Variants in STAC observed in about 807,000 individuals in gnomAD.
STAC encodes the protein SH3 and cysteine rich domain.
A neutral mutation model predicts 48.8 loss-of-function variants in STAC; 43 were observed. The observed-to-expected ratio is 0.88, with a 90% CI of 0.69 to 1.14. STAC has a LOEUF of 1.14. Ranked by LOEUF, STAC falls within the 50% of genes most tolerant of loss-of-function variation. STAC has a pLI of 0.00. For missense variants in STAC, 497 were observed against 504.0 expected (o/e 0.99, Z 0.13); for synonymous variants, 193 against 179.5 (o/e 1.07, Z -0.60).
intron 8 of STAC, among the ~76,000 whole-genome samples, chr3:36,513,336 A>G (rs1698588257): frequency 6.6e-6 from 1 of 152,208 alleles, no homozygotes; most frequent in African/African-American, 2.4e-5. Flanking sequence ...ACCTCTGCCC[A>G]GGCCTCAAGC....
At chr3:36,432,823 CT>C (rs1302471516) in intron 1 of STAC, among the ~76,000 whole-genome samples, 1 of 152,164 alleles carries the variant, frequency 6.6e-6, no homozygotes, top group East Asian at 1.9e-4. Flanking sequence ...TATTTAACTT[CT>C]TTCTACCACC....
At chr3:36,412,298 G>A (rs1700213103) in intron 1 of STAC, among the ~76,000 whole-genome samples, 1 of 152,156 alleles carries the variant, frequency 6.6e-6, no homozygotes, top group Non-Finnish European at 1.5e-5. Context: ...GGACAATCAT[G>A]TTCTCTCTTT....
At chr3:36,381,724 G>A (rs1024861511) in intron 1 of STAC, among the ~76,000 whole-genome samples, 1 of 152,154 alleles carries the variant, frequency 6.6e-6, no homozygotes, top group African/African-American at 2.4e-5. Context: ...TGCATCCCTG[G>A]AAGCCATTGA....
At chr3:36,385,110 T>C (rs1699588986) in intron 1 of STAC, among the ~76,000 whole-genome samples, 2 of 152,296 alleles carry the variant, frequency 1.3e-5, no homozygotes, top group South Asian at 4.1e-4. Flanking sequence ...CAGTATTTTC[T>C]ATACAGATGC....
intron 1 of STAC, among the ~76,000 whole-genome samples, chr3:36,381,050 G>T (rs558251095): frequency 6.6e-6 from 1 of 152,188 alleles, no homozygotes; most frequent in East Asian, 1.9e-4. Flanking sequence ...GAACCTGCTT[G>T]TGTCCAAAGC....
intron 1 of STAC, among the ~76,000 whole-genome samples, chr3:36,425,553 C>A (rs1463066027): frequency 6.6e-6 from 1 of 152,150 alleles, no homozygotes; most frequent in African/African-American, 2.4e-5. Flanking sequence ...AGGCAAAATT[C>A]TACTAAGATC....
At chr3:36,437,931 G>GTTATTATTATTATTATTA (rs146079093) in intron 1 of STAC, among the ~76,000 whole-genome samples, 318 of 140,568 alleles carry the variant, frequency 2.3e-3, no homozygotes, top group East Asian at 3.9e-3. Context: ...TATTCATTGA[G>GTTATTATTATTATTATTA]TTATTATTAT....
At chr3:36,399,037 G>C (rs1699946969) in intron 1 of STAC, among the ~76,000 whole-genome samples, 1 of 152,230 alleles carries the variant, frequency 6.6e-6, no homozygotes, top group Non-Finnish European at 1.5e-5. Context: ...ATGGGGTACA[G>C]AGTGCACCAG....
At chr3:36,455,951 A>T (rs1316725991) in intron 2 of STAC, among the ~76,000 whole-genome samples, 3 of 152,202 alleles carry the variant, frequency 2.0e-5, no homozygotes, top group Non-Finnish European at 4.4e-5. Flanking sequence ...TGGGAAGAAA[A>T]TGCAGAAGCA....
intron 8 of STAC, among the ~76,000 whole-genome samples, chr3:36,507,370 T>G (rs1698429762): frequency 6.6e-6 from 1 of 152,212 alleles, no homozygotes; most frequent in Non-Finnish European, 1.5e-5. Context: ...GATATTGGCC[T>G]GAAATTTTCT....
At chr3:36,478,665 T>C (rs1697558143) in intron 2 of STAC, among the ~76,000 whole-genome samples, 2 of 152,122 alleles carry the variant, frequency 1.3e-5, no homozygotes, top group Non-Finnish European at 2.9e-5. Flanking sequence ...CGGCTAATTT[T>C]TGAATATTTA....
chr3:36,474,462 A>T lies in STAC; in HGVS notation c.389-8530A>T, dbSNP rs1174318609. Among the ~76,000 whole-genome samples, 5 of 152,340 alleles carry T rather than the reference A, an allele frequency of 3.3e-5. No individual in the cohort carries two copies. The East Asian group carries it at 9.6e-4, about 29-fold the overall frequency. On this transcript the variant is annotated intron_variant, in intron 2 of 10. Transcript: ENST00000273183. ...GATGCCCTTTCACTTTCAGTGGAAG[A>T]AATCTAGACCAGAACAGAGTAGAGA...
intron 1 of STAC, among the ~76,000 whole-genome samples, chr3:36,406,908 G>T (rs945226678): frequency 2.0e-5 from 3 of 152,302 alleles, no homozygotes; most frequent in East Asian, 3.9e-4. Context: ...AATAATCAAT[G>T]AATTAATGTA....
At position 36,443,777 on chromosome 3, in the gene STAC, C is replaced by T; in HGVS notation, c.388+137C>T. The stretch of plus-strand genomic sequence containing the variant: ...CATGTGGGAAGATCATTCAGGAGTG[C>T]TTTGGGGAACAATATTTGTGAGAAG... On this transcript the variant is annotated intron_variant, in intron 2 of 10. Transcript: ENST00000273183. This position sits in a 1 kb window ranked among gnomAD's most constrained non-coding sequence, Gnocchi z 4.2. 8.7e-7 allele frequency: 1 copy of T among 1,152,594 alleles called. No homozygotes were observed. The highest frequency in any genetic ancestry group is 1.2e-6 in the Non-Finnish European group (1 of 821,442). 71.4% of individuals were successfully genotyped at this position (1,152,594 alleles called of 1,614,324 possible).
intron 8 of STAC, among the ~76,000 whole-genome samples, chr3:36,509,322 G>A (rs1575249758): frequency 1.3e-5 from 2 of 152,042 alleles, no homozygotes; most frequent in South Asian, 4.2e-4. Context: ...TTTCTCTCTG[G>A]CTGCGCTTAA....
At chr3:36,435,869 CTT>C (rs1700821427) in intron 1 of STAC, among the ~76,000 whole-genome samples, 1 of 152,220 alleles carries the variant, frequency 6.6e-6, no homozygotes, top group Non-Finnish European at 1.5e-5. Context: ...ACACTCCTCT[CTT>C]TGAGTCTTCT....
intron 1 of STAC, among the ~76,000 whole-genome samples, chr3:36,407,510 C>T (rs1182201747): frequency 6.6e-6 from 1 of 152,228 alleles, no homozygotes; most frequent in African/African-American, 2.4e-5. Flanking sequence ...TAGAGCCATG[C>T]TTTGGGCCAG....
intron 2 of STAC, among the ~76,000 whole-genome samples, chr3:36,455,167 AC>A (rs1696815726): frequency 6.6e-6 from 1 of 152,226 alleles, no homozygotes; most frequent in African/African-American, 2.4e-5. Context: ...ATATCACAGC[AC>A]ATATATTCTG....
intron 1 of STAC, among the ~76,000 whole-genome samples, chr3:36,398,126 C>T (rs1699890952): frequency 6.6e-6 from 1 of 151,948 alleles, no homozygotes; most frequent in South Asian, 2.1e-4. Context: ...GCTCTCTGAG[C>T]CCGTGCATCT....
Sources: gnomAD v4.1 joint callset for allele counts (sites outside exome capture counted in the v4.1 genomes callset) on GRCh38, gnomAD v4.1.1 for gene constraint, Gnocchi (gnomAD v3.1) non-coding constraint, MANE v1.5 for transcripts, NCBI Gene and HGNC (gene_info 2026-07-23, HGNC 2026-07-21) for gene names.